The following PGS1 variants were observed in gnomAD, a reference collection of about 807,000 sequenced individuals.
PGS1 encodes CDP-diacylglycerol--glycerol-3-phosphate 3-phosphatidyltransferase, mitochondrial.
In PGS1, 44 loss-of-function variants were observed where a neutral mutation model predicts 58.3. The observed-to-expected ratio is 0.75, with a 90% CI of 0.59 to 0.97. PGS1 has a LOEUF of 0.97. Among genes scored for constraint, PGS1 ranks in the 50% least tolerant of loss-of-function variants. The pLI is 0.00. For missense variants in PGS1, 684 were observed against 731.1 expected, an observed-to-expected ratio of 0.94 and a Z score of 0.74; for synonymous variants, 330 against 311.0, an observed-to-expected ratio of 1.06 and a Z score of -0.64.
rs141915550 is a variant in PGS1, at chr17:78,409,134, A to G, written c.1402+5045A>G. Among the ~76,000 whole-genome samples, 5 of 152,368 alleles carry G rather than the reference A, an allele frequency of 3.3e-5. No homozygotes were observed. The East Asian group carries it at 9.6e-4, about 29-fold the overall frequency. On this transcript the variant is annotated intron_variant, in intron 7 of 9. Coordinates refer to ENST00000262764, the MANE Select transcript of PGS1 (RefSeq NM_024419.5). ...TTTCTGCTCCATGGAGGTGAGGGAC[A>G]GAGTGAGTGGTGCCCATCCCATTAT...
chr17:78,414,836 T>TG (rs781696137), intron 7 of PGS1, 43 bp from the exon 8 acceptor site: 1 of 1,607,618 alleles, frequency 6.2e-7, no homozygotes, highest in African/African-American at 1.3e-5. Context: ...CTTTGGTAGA[T>TG]GCTGTGCTCA....
rs189854117 is a variant in PGS1, at chr17:78,387,487, T to C, written c.144-4989T>C. ...GCTAATTTTGTATTTTTAGTAGAGA[T>C]GGGGTTTCTCCATGTTGGTCAGGCT... On this transcript the variant is annotated intron_variant, in intron 1 of 9. Coordinates refer to ENST00000262764, the MANE Select transcript of PGS1 (RefSeq NM_024419.5). Among the ~76,000 whole-genome samples, 308 of 151,356 alleles carry C rather than the reference T, an allele frequency of 2.0e-3. 2 individuals carry two copies. The highest frequency in any genetic ancestry group is 1.9e-3 in the African/African-American group (79 of 41,204).
chr17:78,409,774 G>A (rs973433729), intron 7 of PGS1, among the ~76,000 whole-genome samples: 6 of 152,206 alleles, frequency 3.9e-5, no homozygotes, highest in Non-Finnish European at 4.4e-5. Context: ...GGAGGAGTAT[G>A]TGTTCATGCA....
At chr17:78,404,485 G>T (rs9901724) in intron 7 of PGS1, among the ~76,000 whole-genome samples, 33,602 of 151,788 alleles carry the variant, frequency 0.22, 3,786 homozygotes, top group South Asian at 0.25. Flanking sequence ...TTACCATGTT[G>T]CCCAGGCTGG....
At chr17:78,385,627 G>A (rs1238089145) in intron 1 of PGS1, among the ~76,000 whole-genome samples, 2 of 152,142 alleles carry the variant, frequency 1.3e-5, no homozygotes, top group Non-Finnish European at 2.9e-5. Context: ...GTTTCACTGT[G>A]TTGGCCAGGC....
chr17:78,423,104 C>T (rs368748029), intron 9 of PGS1, among the ~76,000 whole-genome samples: 23,343 of 78,704 alleles, frequency 0.3, 1,945 homozygotes, highest in Non-Finnish European at 0.36. Flanking sequence ...CACTCTCCCT[C>T]GAAAAAAAAA....
intron 5 of PGS1, 58 bp downstream of exon 5, chr17:78,399,595 T>G (rs911918349): frequency 3.2e-6 from 5 of 1,550,010 alleles, no homozygotes; most frequent in Non-Finnish European, 4.4e-6. Context: ...TGGAGGGCAG[T>G]GGAATAGGAA....
At position 78,394,562 on chromosome 17, in the gene PGS1, C is replaced by CTT. The variant is rs557256277; in HGVS notation, c.334-1737_334-1736dup. On this transcript the variant is annotated intron_variant, in intron 2 of 9. Transcript: ENST00000262764. ...ACAGGTTTTTCTTTTCTTTTCTTTT[C>CTT]TTTTTTTTTTAAGACGGAGTTTCGC... 7.4e-5 allele frequency among the ~76,000 whole-genome samples: 11 copies of CTT among 148,880 alleles called. 1 individual carries two copies. The highest frequency in any genetic ancestry group is 5.9e-4 in the East Asian group (3 of 5,116).
Position 78,424,490 on chromosome 17 carries a change from CT to C in PGS1, c.*441del, listed in dbSNP as rs1287283141. ...GCTAAAAATTACAGAGTAAAGTTCC[CT>C]GATTCTTAATGTGTAATGTCTGCCC... On this transcript the variant is annotated 3_prime_UTR_variant, in exon 10 of 10. Coordinates refer to ENST00000262764, the MANE Select transcript of PGS1 (RefSeq NM_024419.5). The C allele has an allele frequency of 3.4e-6, 1 of 297,274 alleles. No homozygotes were observed. Among genetic ancestry groups the C allele is most frequent in the Non-Finnish European group, 6.4e-6 (1 of 157,184 alleles). 18.4% of individuals were successfully genotyped at this position (297,274 alleles called of 1,614,324 possible).
At chr17:78,384,597 AC>A (rs2082251706) in intron 1 of PGS1, among the ~76,000 whole-genome samples, 1 of 152,032 alleles carries the variant, frequency 6.6e-6, no homozygotes, top group East Asian at 1.9e-4. Flanking sequence ...AATGTACCTT[AC>A]GGTTAAAGAA....
intron 8 of PGS1, among the ~76,000 whole-genome samples, chr17:78,416,945 G>A (rs916897797): frequency 6.6e-5 from 10 of 152,262 alleles, no homozygotes; most frequent in Admixed American, 2.6e-4. Flanking sequence ...GCTCTCTGAA[G>A]CTGTCTCTGG....
intron 1 of PGS1, among the ~76,000 whole-genome samples, chr17:78,390,168 G>C (rs1217028944): frequency 6.7e-6 from 1 of 150,174 alleles, no homozygotes; most frequent in Non-Finnish European, 1.5e-5. Context: ...GGTGGTTTCT[G>C]CTGCACTGAA....
Position 78,400,759 on chromosome 17 carries a change from T to C in PGS1, c.784T>C (p.Phe262Leu), listed in dbSNP as rs1696447492. The C allele has an allele frequency of 1.2e-6, 2 of 1,613,958 alleles. No homozygotes were observed. The highest frequency in any genetic ancestry group is 1.7e-6 in the Non-Finnish European group (2 of 1,179,964). ...LQDCAEIADFFTELVDAVGDV... is the reference protein window; with the variant it reads ...LQDCAEIADFLTELVDAVGDV... ...GGACTGTGCGGAGATTGCCGACTTC[T>C]TCACGGAGCTGGTGGACGCGGTGGG... The change falls in exon 6 of 10, where the codon TTC (phenylalanine) becomes CTC (leucine). Residue 262 changes from phenylalanine (F) to leucine (L), a missense_variant. Physicochemically the swap from Phe to Leu is conservative, Grantham distance 22 (BLOSUM62 0). Coordinates refer to ENST00000262764, the MANE Select transcript of PGS1 (RefSeq NM_024419.5). This position sits in a 1 kb window ranked among gnomAD's most constrained non-coding sequence, Gnocchi z 4.4.
In PGS1 at chr17:78,414,910, G is replaced by A; in HGVS notation, c.1434G>A (p.Leu478=). The A allele has an allele frequency of 6.2e-7, 1 of 1,614,152 alleles. No homozygotes were observed. The highest frequency in any genetic ancestry group is 1.3e-5 in the African/African-American group (1 of 75,046). Residue 478 remains leucine (L), a synonymous_variant, in exon 8 of 10, where the codon CTG becomes CTA. Transcript: ENST00000262764. ...GGCTGTACCTGGCAGGGAGCAGCCTGCCCTGTCTCACGCTGATTGGCTCTC... is the reference window on the plus strand; with the variant it reads ...GGCTGTACCTGGCAGGGAGCAGCCTACCCTGTCTCACGCTGATTGGCTCTC... ...GLWLYLAGSS[L]PCLTLIGSPN... is the part of the protein sequence containing the mutation.
At chr17:78,420,250 G>A (rs1489515226) in intron 9 of PGS1, 4 of 987,852 alleles carry the variant, frequency 4.0e-6, no homozygotes, top group South Asian at 4.6e-5. Context: ...TTGAGTAACA[G>A]GACCTGCTCT....
rs755575373 is a variant in PGS1, at chr17:78,392,492, T to C, written c.160T>C (p.Leu54=). The change falls in exon 2 of 10, where the codon TTG becomes CTG. Residue 54 remains leucine, a synonymous_variant. Coordinates refer to ENST00000262764, the MANE Select transcript of PGS1 (RefSeq NM_024419.5). The part of the protein sequence containing the change: ...RQRRRSPWLL[L]APLLSPAVPQ... ...TTTAACCAGGTCACCATGGCTGTTA[T>C]TGGCTCCCTTGCTGTCCCCAGCTGT... 14 of 1,612,194 alleles carry C rather than the reference T, an allele frequency of 8.7e-6. No individual in the cohort carries two copies. Among genetic ancestry groups the C allele is most frequent in the Admixed American group, 5.0e-5 (3 of 59,472 alleles).
At chr17:78,416,946 C>A (rs771753599) in intron 8 of PGS1, among the ~76,000 whole-genome samples, 1 of 152,188 alleles carries the variant, frequency 6.6e-6, no homozygotes, top group Non-Finnish European at 1.5e-5. Context: ...CTCTCTGAAG[C>A]TGTCTCTGGA....
At chr17:78,401,255 T>C (rs1489848144) in intron 6 of PGS1, among the ~76,000 whole-genome samples, 4 of 152,124 alleles carry the variant, frequency 2.6e-5, no homozygotes, top group African/African-American at 7.2e-5. Context: ...TACTCAGCAA[T>C]GAACACGTGT....
chr17:78,408,106 C>A (rs1404936911), intron 7 of PGS1, among the ~76,000 whole-genome samples: 1 of 117,156 alleles, frequency 8.5e-6, no homozygotes, highest in African/African-American at 2.8e-5. Flanking sequence ...TTTTATCTAT[C>A]AATCAGTCAA....
Sources: allele counts gnomAD v4.1 joint callset (sites outside exome capture counted in the v4.1 genomes callset), GRCh38; gene constraint gnomAD v4.1.1; non-coding constraint Gnocchi (gnomAD v3.1); transcripts MANE v1.5; gene names NCBI Gene and HGNC (gene_info 2026-07-23, HGNC 2026-07-21).